The following EIF2AK2 variants were observed in gnomAD, a reference collection of about 807,000 sequenced individuals.
EIF2AK2 encodes the protein eukaryotic translation initiation factor 2 alpha kinase 2, also known as interferon-induced, double-stranded RNA-activated protein kinase.
Under a neutral mutation model 70.5 loss-of-function variants are expected in EIF2AK2, and 40 were observed. That is an observed-to-expected ratio of 0.57 (90% CI 0.44 to 0.74). The LOEUF is 0.74. Ranked by LOEUF, EIF2AK2 falls within the 30% of genes least tolerant of loss-of-function variation. The pLI is 0.00. For missense variants in EIF2AK2, 555 were observed against 644.3 expected (o/e 0.86, Z 1.50); for synonymous variants, 198 against 220.9 (o/e 0.90, Z 0.92).
At chr2:37,125,112 A>C (rs983421234) in intron 11 of EIF2AK2, among the ~76,000 whole-genome samples, 3 of 152,102 alleles carry the variant, frequency 2.0e-5, no homozygotes, top group Admixed American at 1.3e-4. Flanking sequence ...TCCCGGGTTC[A>C]AGCAATTCTT....
intron 12 of EIF2AK2, among the ~76,000 whole-genome samples, chr2:37,120,926 T>A (rs1674521558): frequency 6.9e-6 from 1 of 145,044 alleles, no homozygotes; most frequent in Non-Finnish European, 1.5e-5. Flanking sequence ...ATCACGCCAT[T>A]GTGCTCCCGC....
chr2:37,121,522 A>T (rs906810547), intron 12 of EIF2AK2, among the ~76,000 whole-genome samples: 3 of 152,014 alleles, frequency 2.0e-5, no homozygotes, highest in Non-Finnish European at 4.4e-5. Flanking sequence ...ATAGTCTAAT[A>T]GGAGAGAGTA....
At chr2:37,124,731 CTTTT>C (rs528735782) in intron 11 of EIF2AK2, among the ~76,000 whole-genome samples, 5,519 of 144,368 alleles carry the variant, frequency 0.038, 134 homozygotes, top group Non-Finnish European at 0.058. Context: ...GAATAACATT[CTTTT>C]TTTTTTTTTG....
intron 15 of EIF2AK2, among the ~76,000 whole-genome samples, 163 bp from the exon 16 acceptor site, chr2:37,107,690 C>T (rs1245402752): frequency 6.6e-6 from 1 of 152,154 alleles, no homozygotes; most frequent in African/African-American, 2.4e-5. Flanking sequence ...TACACTACCC[C>T]CAATCTAATA....
Position 37,126,329 on chromosome 2 carries a change from C to T in EIF2AK2, c.868G>A (p.Gly290Arg), listed in dbSNP as rs139014739. 536 of 1,610,950 alleles carry T rather than the reference C, an allele frequency of 3.3e-4. No individual in the cohort carries two copies. Among genetic ancestry groups the T allele is most frequent in the Non-Finnish European group, 4.2e-4 (499 of 1,178,818 alleles). ...ACACGTTTAATAACGTAAGTCTTTC[C>T]GTCAATTCTGTGTTTTGCTTTGAAA... is the stretch of plus-strand genomic sequence containing the variant. ...QVFKAKHRID[G>R]KTYVIKRVKY... The change falls in exon 11 of 17, where the codon GGA becomes AGA. Residue 290 changes from glycine to arginine, a missense_variant. Coordinates refer to ENST00000233057, the MANE Select transcript of EIF2AK2 (RefSeq NM_001135651.3).
chr2:37,116,937 C>T (rs949992798), intron 13 of EIF2AK2, among the ~76,000 whole-genome samples: 9 of 152,040 alleles, frequency 5.9e-5, no homozygotes, highest in Non-Finnish European at 8.8e-5. Flanking sequence ...GTGGGCAGGG[C>T]GTGGTGAGTC....
chr2:37,113,498 C>CAA (rs61174879), intron 14 of EIF2AK2, among the ~76,000 whole-genome samples: 848 of 31,258 alleles, frequency 0.027, 28 homozygotes, highest in Non-Finnish European at 0.035. Context: ...AACTCCATCT[C>CAA]AAAAAAAAAA....
intron 14 of EIF2AK2, 24 bp from the exon 15 acceptor site, chr2:37,109,319 C>T (rs760394593): frequency 6.3e-7 from 1 of 1,595,056 alleles, no homozygotes; most frequent in Non-Finnish European, 8.6e-7. Context: ...AATAGATTTA[C>T]CTTTGTTATG....
chr2:37,146,478 C>CA (rs2148711135), intron 4 of EIF2AK2, among the ~76,000 whole-genome samples: 1 of 152,350 alleles, frequency 6.6e-6, no homozygotes, highest in South Asian at 2.1e-4. Flanking sequence ...GTACATTATT[C>CA]TCCCTACAAT....
chr2:37,123,808 T>C (rs1052921585), intron 11 of EIF2AK2, among the ~76,000 whole-genome samples: 6 of 152,164 alleles, frequency 3.9e-5, no homozygotes, highest in Admixed American at 3.3e-4. Context: ...GAAAATTCCA[T>C]GCTAAGTGCA....
intron 13 of EIF2AK2, 53 bp downstream of exon 13, chr2:37,119,906 T>A (rs1674477262): frequency 9.6e-7 from 1 of 1,039,954 alleles, no homozygotes; most frequent in Non-Finnish European, 1.2e-6. Context: ...AGATATATTT[T>A]AAAATTACTA....
At chr2:37,154,810 C>T (rs571599479) in intron 1 of EIF2AK2, among the ~76,000 whole-genome samples, 64 of 152,270 alleles carry the variant, frequency 4.2e-4, no homozygotes, top group Non-Finnish European at 2.9e-5. Flanking sequence ...GATCCACCCA[C>T]CTTGGCCTCC....
chr2:37,109,338 A>G (rs1235042504), intron 14 of EIF2AK2, 43 bp from the exon 15 acceptor site: 12 of 1,557,148 alleles, frequency 7.7e-6, no homozygotes, highest in Admixed American at 3.6e-5. Context: ...TGCTCCTTAC[A>G]TAAATATCCA....
chr2:37,148,793 T>G, intron 2 of EIF2AK2, 64 bp downstream of exon 2: 1 of 820,590 alleles, frequency 1.2e-6, no homozygotes, highest in Non-Finnish European at 2.2e-6. Context: ...CCCCCAGAAT[T>G]TGCATGTAAT....
chr2:37,115,233 T>G (rs1674299802), intron 13 of EIF2AK2: 2 of 202,950 alleles, frequency 9.9e-6, no homozygotes, highest in African/African-American at 5.5e-5. Flanking sequence ...TTTTTTTTTT[T>G]TTTTTTTTTT....
chr2:37,120,366 G>A (rs766364271), intron 12 of EIF2AK2, among the ~76,000 whole-genome samples: 2 of 151,274 alleles, frequency 1.3e-5, no homozygotes, highest in African/African-American at 2.4e-5. Flanking sequence ...TTAGCCAGGC[G>A]TGGTGGCGGG....
intron 3 of EIF2AK2, among the ~76,000 whole-genome samples, 180 bp from the exon 4 acceptor site, chr2:37,147,153 T>A (rs773919250): frequency 1.3e-5 from 2 of 152,124 alleles, no homozygotes; most frequent in Non-Finnish European, 2.9e-5. Flanking sequence ...CATGGAAAGG[T>A]TTCTACCCTC....
rs566641986 is a variant in EIF2AK2, at chr2:37,121,090, C to T, written c.1068-951G>A. Reference sequence around the variant, plus strand: ...CATCCTGGCTAACACGGTGAAATCCCGTCTCTACTAAAAATACAAAAAATT... The same window carrying T: ...CATCCTGGCTAACACGGTGAAATCCTGTCTCTACTAAAAATACAAAAAATT... On this transcript the variant is annotated intron_variant, in intron 12 of 16. Coordinates refer to ENST00000233057, the MANE Select transcript of EIF2AK2 (RefSeq NM_001135651.3). Among the ~76,000 whole-genome samples the T allele has an allele frequency of 4.0e-4, 59 of 148,770 alleles. No homozygotes were observed. The South Asian group carries it at 7.7e-3, about 19-fold the overall frequency.
At position 37,135,524 on chromosome 2, in the gene EIF2AK2, G is replaced by C; in HGVS notation, c.745C>G (p.Leu249Val). ...AKRSLAPRFD[L>V]PDMKETKYTV... Reference sequence around the variant, plus strand: ...TACTTTGTTTCTTTCATGTCAGGAAGGTCAAATCTGGGTGCCAAAGATCTA... The same window carrying C: ...TACTTTGTTTCTTTCATGTCAGGAACGTCAAATCTGGGTGCCAAAGATCTA... Residue 249 changes from leucine to valine, a missense_variant, in exon 10 of 17, where the codon CTT becomes GTT. Physicochemically the swap from Leu to Val is conservative, Grantham distance 32. Around this residue, in one of 3 missense-constraint regions of EIF2AK2, gnomAD observed 299 missense variants for 375.4 expected, o/e 0.80. Transcript: ENST00000233057. 1 of 1,609,750 alleles carries C rather than the reference G, an allele frequency of 6.2e-7. No homozygotes were observed. Among genetic ancestry groups the C allele is most frequent in the Non-Finnish European group, 8.5e-7 (1 of 1,178,136 alleles).
Sources: allele counts gnomAD v4.1 joint callset (sites outside exome capture counted in the v4.1 genomes callset), GRCh38; gene constraint gnomAD v4.1.1; regional missense constraint gnomAD v4.1.1; transcripts MANE v1.5; gene names NCBI Gene and HGNC (gene_info 2026-07-23, HGNC 2026-07-21).